Variants in SLC39A11 observed in about 807,000 individuals in gnomAD.
The protein encoded by SLC39A11 is zinc transporter ZIP11.
A neutral mutation model predicts 36.1 loss-of-function variants in SLC39A11; 33 were observed. That is an observed-to-expected ratio of 0.91 (90% CI 0.69 to 1.22). SLC39A11 has a LOEUF of 1.22. Among genes scored for constraint, SLC39A11 ranks in the 50% most tolerant of loss-of-function variants. SLC39A11 has a pLI of 0.00. For synonymous variants in SLC39A11, 166 were observed against 170.3 expected, an observed-to-expected ratio of 0.97 and a Z score of 0.20; for missense variants, 432 against 430.3, an observed-to-expected ratio of 1.00 and a Z score of -0.03.
intron 4 of SLC39A11, among the ~76,000 whole-genome samples, chr17:73,025,547 C>T (rs1344146112): frequency 3.9e-5 from 6 of 152,030 alleles, no homozygotes; most frequent in Non-Finnish European, 5.9e-5. Flanking sequence ...CAGAATGTTA[C>T]GTAGGTATTA....
chr17:72,699,342 T>G (rs913522531), intron 7 of SLC39A11, among the ~76,000 whole-genome samples: 5 of 152,242 alleles, frequency 3.3e-5, no homozygotes, highest in African/African-American at 1.2e-4. Flanking sequence ...TTAGGCTGCA[T>G]TCAAAGCCAT....
chr17:72,947,527 C>T (rs921177364), intron 5 of SLC39A11: 4 of 628,892 alleles, frequency 6.4e-6, no homozygotes, highest in Non-Finnish European at 1.1e-5. Flanking sequence ...GGTACCGTTA[C>T]CTTCTGTAGA....
chr17:73,062,415 T>C (rs1007499795), intron 3 of SLC39A11, among the ~76,000 whole-genome samples: 7 of 136,356 alleles, frequency 5.1e-5, no homozygotes, highest in Admixed American at 4.9e-4. Flanking sequence ...TGAGCTAAGA[T>C]TGCACCACTG....
intron 5 of SLC39A11, among the ~76,000 whole-genome samples, chr17:72,893,491 C>T (rs1355446792): frequency 6.6e-6 from 1 of 152,088 alleles, no homozygotes; most frequent in African/African-American, 2.4e-5. Flanking sequence ...AGATACGGAC[C>T]ACAGAAGCTC....
chr17:72,848,649 A>T (rs188897435), intron 6 of SLC39A11, among the ~76,000 whole-genome samples: 1 of 151,970 alleles, frequency 6.6e-6, no homozygotes, highest in African/African-American at 2.4e-5. Flanking sequence ...TGAACCCAGG[A>T]GGCAGAGGCT....
intron 5 of SLC39A11, among the ~76,000 whole-genome samples, chr17:72,887,958 A>T (rs1197853889): frequency 6.6e-6 from 1 of 152,220 alleles, no homozygotes; most frequent in Non-Finnish European, 1.5e-5. Context: ...TTTCGAAGTG[A>T]TATTTTCCCC....
In SLC39A11 at chr17:72,930,716, C is replaced by T. The variant is rs894373864; in HGVS notation, c.430+17036G>A. 4.6e-5 allele frequency among the ~76,000 whole-genome samples: 7 copies of T among 152,258 alleles called. No homozygotes were observed. In the South Asian group the frequency reaches 8.3e-4, roughly 18 times the overall value. On this transcript the variant is annotated intron_variant, in intron 5 of 9. Coordinates refer to ENST00000255559, the MANE Select transcript of SLC39A11 (RefSeq NM_139177.4). ...GGCTTGTGTTCCATAATAAATCTCA[C>T]GGAAGCATCTAGACTGGTCACTTCC...
At chr17:72,819,257 T>C (rs2145518949) in intron 6 of SLC39A11, among the ~76,000 whole-genome samples, 1 of 151,196 alleles carries the variant, frequency 6.6e-6, no homozygotes, top group South Asian at 2.1e-4. Flanking sequence ...CGGACATACA[T>C]AAAGAGAAGA....
intron 6 of SLC39A11, among the ~76,000 whole-genome samples, chr17:72,810,439 C>T (rs2077398542): frequency 6.6e-6 from 1 of 152,156 alleles, no homozygotes; most frequent in South Asian, 2.1e-4. Context: ...TTGCAATGCA[C>T]ACAGACGAAC....
chr17:72,908,583 C>T (rs970892752), intron 5 of SLC39A11, among the ~76,000 whole-genome samples: 6 of 152,178 alleles, frequency 3.9e-5, no homozygotes, highest in African/African-American at 1.2e-4. Flanking sequence ...CACAGGCCAT[C>T]GAGGCGGATG....
At chr17:72,723,220 G>GTCT (rs1466868084) in intron 7 of SLC39A11, among the ~76,000 whole-genome samples, 3 of 152,264 alleles carry the variant, frequency 2.0e-5, no homozygotes, top group Admixed American at 2.0e-4. Context: ...TGAAGTCCCA[G>GTCT]ATGCTTCATA....
At chr17:72,842,837 T>C (rs1469905245) in intron 6 of SLC39A11, among the ~76,000 whole-genome samples, 1 of 152,188 alleles carries the variant, frequency 6.6e-6, no homozygotes, top group African/African-American at 2.4e-5. Context: ...TTAGTGCTCT[T>C]TTTACTGCGC....
At chr17:73,081,966 AG>A (rs938731404) in intron 3 of SLC39A11, among the ~76,000 whole-genome samples, 10 of 151,424 alleles carry the variant, frequency 6.6e-5, no homozygotes, top group African/African-American at 2.2e-4. Flanking sequence ...TGGAAAGGGT[AG>A]GGGGGCTAGG....
chr17:72,817,547 A>G (rs1242181111), intron 6 of SLC39A11, among the ~76,000 whole-genome samples: 1 of 152,168 alleles, frequency 6.6e-6, no homozygotes, highest in South Asian at 2.1e-4. Context: ...AGAGCCAAAA[A>G]ACCCACATCC....
chr17:72,832,727 C>T (rs2078339699), intron 6 of SLC39A11, among the ~76,000 whole-genome samples: 1 of 152,232 alleles, frequency 6.6e-6, no homozygotes, highest in African/African-American at 2.4e-5. Flanking sequence ...TTCAACTCCA[C>T]ACCATAACAG....
intron 5 of SLC39A11, among the ~76,000 whole-genome samples, chr17:72,903,834 C>T (rs984726092): frequency 3.9e-5 from 6 of 152,134 alleles, no homozygotes; most frequent in African/African-American, 9.7e-5. Context: ...CTCCCAGAAC[C>T]GGAAAACTCA....
intron 4 of SLC39A11, among the ~76,000 whole-genome samples, chr17:72,999,575 G>A (rs1210804096): frequency 6.6e-6 from 1 of 152,144 alleles, no homozygotes; most frequent in Non-Finnish European, 1.5e-5. Flanking sequence ...CGTGTTTTGA[G>A]TGCTCTCCAA....
At chr17:72,827,273 A>T (rs184762422) in intron 6 of SLC39A11, among the ~76,000 whole-genome samples, 19 of 152,348 alleles carry the variant, frequency 1.2e-4, no homozygotes, top group Middle Eastern at 3.4e-3. Context: ...ATTTATATGA[A>T]ATGTTCAGAA....
intron 4 of SLC39A11, among the ~76,000 whole-genome samples, chr17:73,026,123 GAGAGAAGAGA>G (rs373872157): frequency 1.3e-5 from 2 of 149,968 alleles, no homozygotes; most frequent in Non-Finnish European, 3.0e-5. Flanking sequence ...CCTCGGAAGA[GAGAGAAGAGA>G]AGAGAAGAGA....
Sources: gnomAD v4.1 joint callset for allele counts (sites outside exome capture counted in the v4.1 genomes callset) on GRCh38, gnomAD v4.1.1 for gene constraint, MANE v1.5 for transcripts, NCBI Gene and HGNC (gene_info 2026-07-23, HGNC 2026-07-21) for gene names.